The following NCK1 variants were observed in gnomAD, a reference collection of about 807,000 sequenced individuals.
NCK1 encodes SH2/SH3 adapter protein NCK1.
NCK1 carries 19 observed loss-of-function variants against 36.6 expected under a neutral mutation model. That is an observed-to-expected ratio of 0.52 (90% confidence interval 0.36 to 0.76). The LOEUF (loss-of-function observed/expected upper bound fraction) is 0.76, where lower values mean the gene tolerates loss of function less well. NCK1 is among the 30% of genes least tolerant of loss of function. NCK1 has a pLI of 0.00. For synonymous variants in NCK1, 165 were observed against 156.0 expected (o/e 1.06, Z -0.43); for missense variants, 358 against 445.6 (o/e 0.80, Z 1.77).
chr3:136,940,430 A>T (rs1032339692), intron 2 of NCK1, among the ~76,000 whole-genome samples: 2 of 152,028 alleles, frequency 1.3e-5, no homozygotes, highest in Non-Finnish European at 1.5e-5. Flanking sequence ...TTTTTGCTTT[A>T]TATGCCTTGA....
chr3:136,869,130 C>T (rs1232909940), intron 1 of NCK1, among the ~76,000 whole-genome samples: 1 of 151,816 alleles, frequency 6.6e-6, no homozygotes, highest in Non-Finnish European at 1.5e-5. Context: ...GTCCCAGCTA[C>T]CCGGGAGGCA....
chr3:136,949,048 A>G lies in NCK1; in HGVS notation c.*595A>G, dbSNP rs189402625. 1.0e-4 allele frequency: 16 copies of G among 152,602 alleles called. No individual in the cohort carries two copies. The East Asian group carries it at 3.1e-3, about 29-fold the overall frequency. The allele number at this position is 152,602 out of a possible 1,614,324, so 9.5% of individuals were successfully genotyped here. On this transcript the variant is annotated 3_prime_UTR_variant, in exon 4 of 4. Transcript: ENST00000481752. ...TGTCTTCAGTCATACAGCAAGACAC[A>G]TGAGACATAGATTAGAAAACATGTT...
At chr3:136,930,621 C>T (rs7648817) in intron 2 of NCK1, 970,964 of 1,398,282 alleles carry the variant, frequency 0.69, 339,193 homozygotes, top group East Asian at 0.87. Flanking sequence ...ATTAAATCCA[C>T]TGTTTTCTTG....
At chr3:136,890,475 C>T (rs1939212292) in intron 1 of NCK1, among the ~76,000 whole-genome samples, 1 of 152,224 alleles carries the variant, frequency 6.6e-6, no homozygotes, top group South Asian at 2.1e-4. Context: ...TGAAGGGCTC[C>T]TCAAGTGCTG....
intron 1 of NCK1, among the ~76,000 whole-genome samples, chr3:136,913,515 G>A (rs977951347): frequency 6.6e-6 from 1 of 152,080 alleles, no homozygotes. Flanking sequence ...CAGTCCTCCC[G>A]CTTTGGCCTC....
chr3:136,910,894 C>T (rs561323818), intron 1 of NCK1, among the ~76,000 whole-genome samples: 2 of 152,266 alleles, frequency 1.3e-5, no homozygotes, highest in East Asian at 3.9e-4. Context: ...CTCTCTGAAA[C>T]TTGATATCCT....
At chr3:136,906,688 A>G (rs1227614548) in intron 1 of NCK1, among the ~76,000 whole-genome samples, 2 of 152,168 alleles carry the variant, frequency 1.3e-5, no homozygotes, top group African/African-American at 4.8e-5. Flanking sequence ...GATAACCTTT[A>G]GGACCCAAGC....
At chr3:136,893,916 C>T (rs1401850382) in intron 1 of NCK1, among the ~76,000 whole-genome samples, 1 of 152,144 alleles carries the variant, frequency 6.6e-6, no homozygotes, top group African/African-American at 2.4e-5. Context: ...GTTTAAGTTG[C>T]TTCTGTCCTT....
chr3:136,873,604 C>T (rs574913105), intron 1 of NCK1, among the ~76,000 whole-genome samples: 27 of 152,034 alleles, frequency 1.8e-4, no homozygotes, highest in Admixed American at 4.6e-4. Context: ...GGGCCGGGGG[C>T]GGAATAATAT....
At chr3:136,944,137 T>TTTTTTTTTTTTG (rs1940748545) in intron 2 of NCK1, among the ~76,000 whole-genome samples, 1 of 136,828 alleles carries the variant, frequency 7.3e-6, no homozygotes, top group Non-Finnish European at 1.6e-5. Context: ...TTTTTTTTTT[T>TTTTTTTTTTTTG]GAGACAGAGT....
intron 1 of NCK1, among the ~76,000 whole-genome samples, chr3:136,896,210 G>A (rs745976194): frequency 1.3e-5 from 2 of 152,078 alleles, no homozygotes; most frequent in Non-Finnish European, 2.9e-5. Flanking sequence ...ACCTTAGTCT[G>A]CTATAGAATA....
intron 1 of NCK1, among the ~76,000 whole-genome samples, chr3:136,873,554 C>T (rs771702229): frequency 3.9e-5 from 6 of 152,062 alleles, no homozygotes; most frequent in African/African-American, 4.8e-5. Context: ...GTTGGGAAGG[C>T]ATGATTGGTT....
chr3:136,907,238 G>A (rs1476018925), intron 1 of NCK1, among the ~76,000 whole-genome samples: 1 of 152,152 alleles, frequency 6.6e-6, no homozygotes, highest in African/African-American at 2.4e-5. Context: ...GACAGTTGCT[G>A]CCAGTGGCTT....
At chr3:136,937,464 G>T (rs1481502677) in intron 2 of NCK1, among the ~76,000 whole-genome samples, 5 of 152,276 alleles carry the variant, frequency 3.3e-5, no homozygotes, top group Non-Finnish European at 7.4e-5. Context: ...TTGCAGTTCT[G>T]TGTGAATATT....
intron 1 of NCK1, among the ~76,000 whole-genome samples, chr3:136,873,878 A>C (rs1938694824): frequency 6.6e-6 from 1 of 152,196 alleles, no homozygotes; most frequent in African/African-American, 2.4e-5. Flanking sequence ...GCCACATGGA[A>C]CTGTAAGTCC....
chr3:136,946,724 A>G (rs1207304165), intron 3 of NCK1, among the ~76,000 whole-genome samples: 1 of 152,192 alleles, frequency 6.6e-6, no homozygotes, highest in African/African-American at 2.4e-5. Flanking sequence ...GAAATCCCTG[A>G]ATTTAAAAAA....
chr3:136,886,441 A>G (rs533783383), intron 1 of NCK1, among the ~76,000 whole-genome samples: 1 of 152,310 alleles, frequency 6.6e-6, no homozygotes, highest in South Asian at 2.1e-4. Flanking sequence ...TCTCTAGATT[A>G]CCTAATACAT....
intron 1 of NCK1, among the ~76,000 whole-genome samples, chr3:136,898,858 C>T (rs1374366265): frequency 6.6e-6 from 1 of 152,174 alleles, no homozygotes; most frequent in Admixed American, 6.5e-5. Flanking sequence ...GAAGGAAAGG[C>T]ATGAGAAGAT....
At chr3:136,924,413 C>A (rs1391205874) in intron 1 of NCK1, among the ~76,000 whole-genome samples, 1 of 152,098 alleles carries the variant, frequency 6.6e-6, no homozygotes, top group African/African-American at 2.4e-5. Flanking sequence ...AAATAAATGA[C>A]ATAGAGTGGG....
Sources: gnomAD v4.1 joint callset for allele counts (sites outside exome capture counted in the v4.1 genomes callset) on GRCh38, gnomAD v4.1.1 for gene constraint, MANE v1.5 for transcripts, NCBI Gene and HGNC (gene_info 2026-07-23, HGNC 2026-07-21) for gene names.